NRG3: variants seen among roughly 807,000 people sequenced by gnomAD.
The protein encoded by NRG3 is pro-neuregulin-3, membrane-bound isoform.
NRG3 carries 31 observed loss-of-function variants against 66.9 expected under a neutral mutation model. That is an observed-to-expected ratio of 0.46 (90% CI 0.35 to 0.63). NRG3 has a LOEUF of 0.63. Ranked by LOEUF, NRG3 falls within the 20% of genes least tolerant of loss-of-function variation. The pLI is 0.00. For missense variants in NRG3, 910 were observed against 878.9 expected (o/e 1.04, Z -0.45); for synonymous variants, 393 against 359.4 (o/e 1.09, Z -1.06).
chr10:82,582,393 G>A (rs2046406138), intron 2 of NRG3, among the ~76,000 whole-genome samples: 1 of 152,032 alleles, frequency 6.6e-6, no homozygotes, highest in Non-Finnish European at 1.5e-5. Context: ...GTGAGCACAG[G>A]GACCTGCCAC....
chr10:82,173,551 T>C (rs377425727), intron 1 of NRG3, among the ~76,000 whole-genome samples: 1 of 151,802 alleles, frequency 6.6e-6, no homozygotes, highest in Non-Finnish European at 1.5e-5. Context: ...ATTGACCAGA[T>C]GACACAATGA....
At chr10:82,403,237 G>A (rs574295516) in intron 2 of NRG3, among the ~76,000 whole-genome samples, 1 of 152,214 alleles carries the variant, frequency 6.6e-6, no homozygotes, top group East Asian at 1.9e-4. Flanking sequence ...ATTCATTTGA[G>A]CATCCCATCA....
At chr10:82,517,743 A>C (rs1845824687) in intron 2 of NRG3, among the ~76,000 whole-genome samples, 1 of 151,414 alleles carries the variant, frequency 6.6e-6, no homozygotes, top group Non-Finnish European at 1.5e-5. Flanking sequence ...GGTAAGAATA[A>C]ATACAATCCT....
chr10:82,963,073 CT>C (rs1426669523), intron 6 of NRG3, among the ~76,000 whole-genome samples: 3 of 151,944 alleles, frequency 2.0e-5, no homozygotes, highest in Non-Finnish European at 4.4e-5. Flanking sequence ...CATATAATAT[CT>C]TTATTATATA....
At chr10:82,415,341 T>G (rs1339905973) in intron 2 of NRG3, among the ~76,000 whole-genome samples, 2 of 152,186 alleles carry the variant, frequency 1.3e-5, no homozygotes, top group Admixed American at 6.6e-5. Context: ...GCTTTCCTGT[T>G]AGGTTTATTT....
At chr10:82,786,886 C>G (rs533123872) in intron 3 of NRG3, among the ~76,000 whole-genome samples, 1 of 152,110 alleles carries the variant, frequency 6.6e-6, no homozygotes, top group African/African-American at 2.4e-5. Context: ...CCTCCTCTGT[C>G]TCTCATGTTT....
intron 1 of NRG3, among the ~76,000 whole-genome samples, chr10:82,239,479 A>G (rs1241362432): frequency 6.6e-6 from 1 of 151,874 alleles, no homozygotes; most frequent in Admixed American, 6.6e-5. Context: ...GTATCTAAAG[A>G]TTTTTCTGTG....
At chr10:82,849,614 C>G (rs1270814522) in intron 3 of NRG3, among the ~76,000 whole-genome samples, 2 of 152,118 alleles carry the variant, frequency 1.3e-5, no homozygotes, top group Non-Finnish European at 2.9e-5. Flanking sequence ...TGATAAGATG[C>G]CATCAGGAGT....
chr10:82,612,562 A>G (rs1028784200), intron 2 of NRG3, among the ~76,000 whole-genome samples: 2 of 152,224 alleles, frequency 1.3e-5, no homozygotes, highest in Admixed American at 6.5e-5. Flanking sequence ...ATTATGCCAC[A>G]TACTCTAAAA....
intron 1 of NRG3, among the ~76,000 whole-genome samples, chr10:82,227,340 T>A (rs955478133): frequency 6.6e-6 from 1 of 152,166 alleles, no homozygotes; most frequent in Non-Finnish European, 1.5e-5. Flanking sequence ...CAGGAATACT[T>A]ACTAAGCTCC....
At chr10:82,410,531 T>C (rs145274371) in intron 2 of NRG3, among the ~76,000 whole-genome samples, 306 of 146,486 alleles carry the variant, frequency 2.1e-3, no homozygotes, top group South Asian at 6.6e-3. Context: ...AGATTAGTGG[T>C]GGCTAAGGGG....
intron 2 of NRG3, among the ~76,000 whole-genome samples, chr10:82,429,518 G>A (rs1239777536): frequency 6.6e-6 from 1 of 151,958 alleles, no homozygotes; most frequent in East Asian, 1.9e-4. Context: ...GACTCCTTGT[G>A]TACTGTAAAT....
intron 8 of NRG3, among the ~76,000 whole-genome samples, chr10:82,979,736 A>G (rs1852652754): frequency 6.6e-6 from 1 of 152,194 alleles, no homozygotes; most frequent in African/African-American, 2.4e-5. Flanking sequence ...AAGCATGGTG[A>G]GCTGAGTACA....
At chr10:81,889,224 T>C (rs1842841348) in intron 1 of NRG3, 1 of 152,210 alleles carries the variant, frequency 6.6e-6, no homozygotes, top group Non-Finnish European at 1.5e-5. Context: ...TATGAATTGA[T>C]TGCCACATCA....
intron 1 of NRG3, among the ~76,000 whole-genome samples, chr10:81,982,064 G>T (rs966181863): frequency 6.6e-6 from 1 of 151,890 alleles, no homozygotes; most frequent in Non-Finnish European, 1.5e-5. Context: ...AGTTCTGGTT[G>T]CTTTTTGCTT....
intron 2 of NRG3, among the ~76,000 whole-genome samples, chr10:82,605,011 A>G (rs2047874986): frequency 6.6e-6 from 1 of 152,004 alleles, no homozygotes. Context: ...TTTCTCCTCA[A>G]TGTGTTTACC....
intron 3 of NRG3, among the ~76,000 whole-genome samples, chr10:82,856,756 C>CAAAAAAAAAA (rs67224862): frequency 3.1e-3 from 327 of 107,096 alleles, no homozygotes; most frequent in Middle Eastern, 7.8e-3. Context: ...AAAAAAAAAA[C>CAAAAAAAAAA]AAAAAAAAAA....
At chr10:82,067,900 A>T (rs2064577635) in intron 1 of NRG3, among the ~76,000 whole-genome samples, 1 of 152,198 alleles carries the variant, frequency 6.6e-6, no homozygotes, top group Admixed American at 6.5e-5. Flanking sequence ...TTTGCTTTTC[A>T]GTCTAAACAA....
chr10:82,570,297 T>C (rs2045649970), intron 2 of NRG3, among the ~76,000 whole-genome samples: 1 of 151,758 alleles, frequency 6.6e-6, no homozygotes, highest in African/African-American at 2.4e-5. Context: ...TCTACTTCTG[T>C]AGCCTCATCT....
Sources: allele counts gnomAD v4.1 joint callset (sites outside exome capture counted in the v4.1 genomes callset), GRCh38; gene constraint gnomAD v4.1.1; transcripts MANE v1.5; gene names NCBI Gene and HGNC (gene_info 2026-07-23, HGNC 2026-07-21).